The following TAF4 variants were observed in gnomAD, a reference collection of about 807,000 sequenced individuals.
TAF4 encodes TATA-box binding protein associated factor 4.
TAF4 carries 9 observed loss-of-function variants against 90.3 expected under a neutral mutation model. That is an observed-to-expected ratio of 0.10 (90% CI 0.06 to 0.17). The LOEUF (loss-of-function observed/expected upper bound fraction) is 0.17. Ranked by LOEUF, TAF4 falls within the 10% of genes least tolerant of loss-of-function variation. The pLI, the probability that TAF4 is intolerant of heterozygous loss-of-function variation, is 1.00. For missense variants in TAF4, 1,351 were observed against 1,370.7 expected, an observed-to-expected ratio of 0.99 and a Z score of 0.23; for synonymous variants, 818 against 638.9, an observed-to-expected ratio of 1.28 and a Z score of -4.23.
At chr20:62,019,738 C>T (rs1362919453) in intron 1 of TAF4, among the ~76,000 whole-genome samples, 3 of 152,224 alleles carry the variant, frequency 2.0e-5, no homozygotes, top group African/African-American at 7.2e-5. Flanking sequence ...GTGAATCCCA[C>T]CCTCCCTGAG....
At position 61,998,359 on chromosome 20, in the gene TAF4, C is replaced by A. The variant is rs1363237756; in HGVS notation, c.2914-167G>T. On this transcript the variant is annotated intron_variant, in intron 12 of 14. Transcript: ENST00000252996. The stretch of plus-strand genomic sequence containing the variant: ...CAAAGATGAAAATTTACATCACACA[C>A]CATGAAAAAAGCCAGTAATCTTGAG... 5.3e-5 allele frequency among the ~76,000 whole-genome samples: 8 copies of A among 152,194 alleles called. No homozygotes were observed. The East Asian group carries it at 1.5e-3, about 29-fold the overall frequency.
At position 62,003,809 on chromosome 20, in the gene TAF4, T is replaced by C. The variant is rs1375123799; in HGVS notation, c.2293A>G (p.Met765Val). 10 of 1,608,182 alleles carry C rather than the reference T, an allele frequency of 6.2e-6. No individual in the cohort carries two copies. The highest frequency in any genetic ancestry group is 5.1e-5 in the Admixed American group (3 of 59,372). Residue 765 changes from methionine to valine, a missense_variant, in exon 8 of 15, where the codon ATG becomes GTG. Met to Val is a conservative substitution (Grantham distance 21). Coordinates refer to ENST00000252996, the MANE Select transcript of TAF4 (RefSeq NM_003185.4). Reference sequence around the variant, plus strand: ...TTGTGAGGCTGCCGCAGGGCGACCATGGGTGTCTGCGTCAACGTCACCTGC... The same window carrying C: ...TTGTGAGGCTGCCGCAGGGCGACCACGGGTGTCTGCGTCAACGTCACCTGC... ...PPQVTLTQTP[M>V]VALRQPHNRI... is the part of the protein sequence containing the mutation.
chr20:62,060,871 G>A (rs2056085484), intron 1 of TAF4, among the ~76,000 whole-genome samples: 1 of 152,204 alleles, frequency 6.6e-6, no homozygotes, highest in African/African-American at 2.4e-5. Context: ...CTCAGTCACT[G>A]AGAAAACATC....
intron 3 of TAF4, among the ~76,000 whole-genome samples, chr20:62,011,665 G>C (rs559929150): frequency 2.0e-5 from 3 of 152,232 alleles, no homozygotes; most frequent in African/African-American, 4.8e-5. Flanking sequence ...CCGGGGTTGC[G>C]GGGGGAGCTG....
intron 1 of TAF4, among the ~76,000 whole-genome samples, chr20:62,034,438 C>G (rs2055921098): frequency 6.6e-6 from 1 of 152,128 alleles, no homozygotes; most frequent in Admixed American, 6.5e-5. Flanking sequence ...ATCCTCCCAC[C>G]CCAACCTCCT....
chr20:62,008,993 G>A, intron 5 of TAF4, 59 bp downstream of exon 5: 1 of 1,573,680 alleles, frequency 6.4e-7, no homozygotes, highest in Non-Finnish European at 8.6e-7. Flanking sequence ...GCAGCAACAG[G>A]TGTCTGTCCT....
chr20:61,975,849 A>C lies in TAF4; in HGVS notation c.*319T>G. On this transcript the variant is annotated 3_prime_UTR_variant, in exon 15 of 15. Coordinates refer to ENST00000252996, the MANE Select transcript of TAF4 (RefSeq NM_003185.4). ...AAACCAAAATGCACAAATAATGCAGAAACTGCTATGAGTTGACAGAGGGCA... is the reference window on the plus strand; with the variant it reads ...AAACCAAAATGCACAAATAATGCAGCAACTGCTATGAGTTGACAGAGGGCA... 1 of 314,982 alleles carries C rather than the reference A, an allele frequency of 3.2e-6. No homozygotes were observed. Among genetic ancestry groups the C allele is most frequent in the Non-Finnish European group, 5.9e-6 (1 of 169,390 alleles). 19.5% of individuals were successfully genotyped at this position (314,982 alleles called of 1,614,324 possible).
chr20:61,982,112 C>T lies in TAF4; in HGVS notation c.3091-5777G>A, dbSNP rs1490062957. Among the ~76,000 whole-genome samples the T allele has an allele frequency of 2.4e-5, 3 of 124,216 alleles. 1 individual carries two copies. Among genetic ancestry groups the T allele is most frequent in the Non-Finnish European group, 5.0e-5 (3 of 60,030 alleles). The allele number at this position is 124,216 out of a possible 152,430, so 81.5% of individuals were successfully genotyped here. ...CCAAACCCACACAACACACACCCAC[C>T]GGAGAGGAGACATCAAACCCATACC... is the stretch of plus-strand genomic sequence containing the variant. On this transcript the variant is annotated intron_variant, in intron 14 of 14. Transcript: ENST00000252996.
At chr20:62,064,177 G>A (rs1281602301) in intron 1 of TAF4, 11 of 371,862 alleles carry the variant, frequency 3.0e-5, no homozygotes, top group South Asian at 1.2e-4. Context: ...TCCTGGCTGA[G>A]CCACTCCGAA....
At position 61,994,273 on chromosome 20, in the gene TAF4, A is replaced by G. The variant is rs575563083; in HGVS notation, c.3090+3277T>C. On this transcript the variant is annotated intron_variant, in intron 14 of 14. Coordinates refer to ENST00000252996, the MANE Select transcript of TAF4 (RefSeq NM_003185.4). ...GCTGCGGGCCTCACAGCCAGTGGGC[A>G]CTCAGGCCTAGGCCCAGGTGAGTGC... 9.2e-5 allele frequency among the ~76,000 whole-genome samples: 14 copies of G among 152,334 alleles called. No individual in the cohort carries two copies. The East Asian group carries it at 1.9e-3, about 21-fold the overall frequency.
chr20:62,026,213 GTA>G (rs1568935711), intron 1 of TAF4, among the ~76,000 whole-genome samples: 5 of 152,164 alleles, frequency 3.3e-5, no homozygotes, highest in Admixed American at 2.6e-4. Flanking sequence ...CCCGAGAGTC[GTA>G]TTAACAACTC....
intron 14 of TAF4, among the ~76,000 whole-genome samples, chr20:61,993,158 T>A (rs983338286): frequency 6.6e-6 from 1 of 152,142 alleles, no homozygotes; most frequent in Non-Finnish European, 1.5e-5. Context: ...GAGAAGGAAC[T>A]CACAGACTAA....
At chr20:62,048,827 C>T (rs2056009627) in intron 1 of TAF4, among the ~76,000 whole-genome samples, 1 of 146,576 alleles carries the variant, frequency 6.8e-6, no homozygotes, top group Non-Finnish European at 1.5e-5. Flanking sequence ...CCCCAAGCTC[C>T]GTACACCCCC....
chr20:62,061,631 A>C (rs1568945574), intron 1 of TAF4, among the ~76,000 whole-genome samples: 3 of 152,164 alleles, frequency 2.0e-5, no homozygotes, highest in South Asian at 4.1e-4. Context: ...GTGTCAAATC[A>C]CCTTTTTCTT....
intron 1 of TAF4, among the ~76,000 whole-genome samples, chr20:62,036,085 G>A (rs34934231): frequency 0.013 from 2,006 of 150,878 alleles, 15 homozygotes; most frequent in Non-Finnish European, 0.021. Flanking sequence ...GTGCAGTGGC[G>A]CAATCTCAGC....
chr20:62,039,101 T>C (rs754334163), intron 1 of TAF4, among the ~76,000 whole-genome samples: 7 of 152,144 alleles, frequency 4.6e-5, no homozygotes, highest in African/African-American at 7.2e-5. Context: ...GCTTTTTTTG[T>C]AGAAGTTGAC....
intron 14 of TAF4, among the ~76,000 whole-genome samples, chr20:61,978,565 G>A (rs1391348030): frequency 1.3e-5 from 2 of 150,922 alleles, no homozygotes; most frequent in East Asian, 3.9e-4. Context: ...AGGAGGGGGT[G>A]AGACCAACCA....
At chr20:62,061,669 T>A (rs1447761834) in intron 1 of TAF4, among the ~76,000 whole-genome samples, 1 of 152,248 alleles carries the variant, frequency 6.6e-6, no homozygotes, top group Admixed American at 6.5e-5. Flanking sequence ...AACCTGACTA[T>A]GACGTTATGA....
At chr20:62,057,014 T>A (rs887331932) in intron 1 of TAF4, among the ~76,000 whole-genome samples, 1 of 152,204 alleles carries the variant, frequency 6.6e-6, no homozygotes, top group Non-Finnish European at 1.5e-5. Flanking sequence ...GCACCGTGCG[T>A]GGCTCCTATG....
Sources: gnomAD v4.1 joint callset for allele counts (sites outside exome capture counted in the v4.1 genomes callset) on GRCh38, gnomAD v4.1.1 for gene constraint, MANE v1.5 for transcripts, NCBI Gene and HGNC (gene_info 2026-07-23, HGNC 2026-07-21) for gene names.